The following DACH1 variants were observed in gnomAD, a reference collection of about 807,000 sequenced individuals.
DACH1 encodes the protein dachshund homolog 1.
A neutral mutation model predicts 54.2 loss-of-function variants in DACH1; 12 were observed. The ratio of observed to expected loss-of-function variants is 0.22; its 90% CI spans 0.14 to 0.36. DACH1 has a LOEUF of 0.36. Among genes scored for constraint, DACH1 ranks in the 10% least tolerant of loss-of-function variants. The pLI is 1.00. For missense variants in DACH1, 805 were observed against 929.8 expected, an observed-to-expected ratio of 0.87 and a Z score of 1.75; for synonymous variants, 386 against 366.2, an observed-to-expected ratio of 1.05 and a Z score of -0.62.
chr13:71,439,724 A>G lies in DACH1; in HGVS notation c.*931T>C, dbSNP rs982015011. The G allele has an allele frequency of 6.6e-6, 1 of 152,316 alleles. No individual in the cohort carries two copies. The highest frequency in any genetic ancestry group is 1.5e-5 in the Non-Finnish European group (1 of 67,902). The allele number at this position is 152,316 out of a possible 1,614,324, so 9.4% of individuals were successfully genotyped here. On this transcript the variant is annotated 3_prime_UTR_variant, in exon 11 of 11. Transcript: ENST00000613252. ...TATTTACATGCCTGCATGCGTTAAA[A>G]CCAGAAAGACATCTTTCTGACCAAC... is the stretch of plus-strand genomic sequence containing the variant.
chr13:71,654,912 G>A (rs1428356244), intron 2 of DACH1, among the ~76,000 whole-genome samples: 1 of 152,106 alleles, frequency 6.6e-6, no homozygotes, highest in African/African-American at 2.4e-5. Context: ...AAAAGTTGGA[G>A]GTTTATCTTT....
rs189756098 is a variant in DACH1, at chr13:71,557,945, T to A, written c.1436-787A>T. ...TATGACAACTAATTGTAGTGTGTGA[T>A]CATAGATTGGCTTTTGCAGCTAGAA... is the stretch of plus-strand genomic sequence containing the variant. On this transcript the variant is annotated intron_variant, in intron 5 of 10. Coordinates refer to ENST00000613252, the MANE Select transcript of DACH1 (RefSeq NM_080759.6). 4.6e-5 allele frequency among the ~76,000 whole-genome samples: 7 copies of A among 151,540 alleles called. No homozygotes were observed. The East Asian group carries it at 1.4e-3, about 29-fold the overall frequency.
At chr13:71,648,661 G>T (rs536707878) in intron 2 of DACH1, among the ~76,000 whole-genome samples, 1 of 152,300 alleles carries the variant, frequency 6.6e-6, no homozygotes, top group Non-Finnish European at 1.5e-5. Context: ...GATGGCTTCT[G>T]TTTGTAAGAT....
chr13:71,573,847 T>C (rs991155460), intron 3 of DACH1, among the ~76,000 whole-genome samples: 4 of 152,174 alleles, frequency 2.6e-5, no homozygotes, highest in Admixed American at 2.0e-4. Context: ...CAGCTTAATA[T>C]GAAATGGTCT....
chr13:71,583,109 T>C (rs1473585833), intron 3 of DACH1, among the ~76,000 whole-genome samples: 1 of 152,200 alleles, frequency 6.6e-6, no homozygotes, highest in Admixed American at 6.5e-5. Flanking sequence ...TTAAACATTT[T>C]TATTCTTTTT....
intron 7 of DACH1, among the ~76,000 whole-genome samples, chr13:71,484,290 T>C (rs1464750800): frequency 6.6e-6 from 1 of 152,108 alleles, no homozygotes; most frequent in Non-Finnish European, 1.5e-5. Context: ...TCCTCATGAA[T>C]ATTAATAGCT....
At position 71,866,882 on chromosome 13, in the gene DACH1, A is replaced by C; in HGVS notation, c.-113T>G. Reference sequence around the variant, plus strand: ...AGAAGGAGCGAGGGGGGCAACAACAACTCCGGGAGAGAACGAGAAGGAGAA... The same window carrying C: ...AGAAGGAGCGAGGGGGGCAACAACACCTCCGGGAGAGAACGAGAAGGAGAA... On this transcript the variant is annotated 5_prime_UTR_variant, in exon 1 of 11. Coordinates refer to ENST00000613252, the MANE Select transcript of DACH1 (RefSeq NM_080759.6). 7.9e-6 allele frequency: 6 copies of C among 756,134 alleles called. No individual in the cohort carries two copies. The highest frequency in any genetic ancestry group is 4.3e-5 in the East Asian group (1 of 23,368). The allele number at this position is 756,134 out of a possible 1,614,324, so 46.8% of individuals were successfully genotyped here. A position where few individuals can be genotyped will look rare whatever the true frequency, so the allele number is the denominator to read the frequency against.
intron 1 of DACH1, among the ~76,000 whole-genome samples, chr13:71,750,604 T>A (rs1252927832): frequency 6.6e-6 from 1 of 152,242 alleles, no homozygotes; most frequent in Non-Finnish European, 1.5e-5. Context: ...AATGCTGAAC[T>A]AGGAAATGAA....
At chr13:71,692,870 A>G (rs1194976822) in intron 1 of DACH1, among the ~76,000 whole-genome samples, 1 of 152,112 alleles carries the variant, frequency 6.6e-6, no homozygotes, top group Non-Finnish European at 1.5e-5. Context: ...TTTAAGAAGA[A>G]TTTAAATAGA....
intron 6 of DACH1, 97 bp downstream of exon 6, chr13:71,556,927 T>C: frequency 8.0e-7 from 1 of 1,255,224 alleles, no homozygotes; most frequent in Non-Finnish European, 1.1e-6. Context: ...ATGCTTTTTT[T>C]TTACATGATG....
chr13:71,507,187 C>T (rs1348578757), intron 6 of DACH1, among the ~76,000 whole-genome samples: 1 of 152,140 alleles, frequency 6.6e-6, no homozygotes, highest in African/African-American at 2.4e-5. Flanking sequence ...CCCGATCTAT[C>T]CATGCAGTAG....
intron 3 of DACH1, among the ~76,000 whole-genome samples, chr13:71,620,969 C>CT (rs1402904523): frequency 6.6e-6 from 1 of 151,790 alleles, no homozygotes; most frequent in Non-Finnish European, 1.5e-5. Flanking sequence ...GATAAAAAGA[C>CT]TTAAATATGT....
intron 3 of DACH1, among the ~76,000 whole-genome samples, chr13:71,576,810 G>A (rs1271627790): frequency 6.6e-6 from 1 of 152,064 alleles, no homozygotes; most frequent in Non-Finnish European, 1.5e-5. Context: ...CATTTCTAGA[G>A]TCTAGGTATC....
chr13:71,500,000 TA>T (rs1166356043), intron 6 of DACH1, among the ~76,000 whole-genome samples: 1 of 151,572 alleles, frequency 6.6e-6, no homozygotes, highest in Non-Finnish European at 1.5e-5. Context: ...AGTTAATGAT[TA>T]AAAAAAATTT....
chr13:71,606,292 G>T (rs1874877657), intron 3 of DACH1, among the ~76,000 whole-genome samples: 1 of 151,808 alleles, frequency 6.6e-6, no homozygotes, highest in South Asian at 2.1e-4. Flanking sequence ...TGTTTATTAT[G>T]TTTCTTACAT....
intron 6 of DACH1, among the ~76,000 whole-genome samples, chr13:71,552,842 T>TATAGAGAGAG (rs1883958315): frequency 8.0e-5 from 1 of 12,536 alleles, no homozygotes; most frequent in Non-Finnish European, 1.4e-4. Context: ...TATATATATA[T>TATAGAGAGAG]AGAGAGAGAG....
At chr13:71,580,164 C>T (rs1441987563) in intron 3 of DACH1, among the ~76,000 whole-genome samples, 2 of 152,166 alleles carry the variant, frequency 1.3e-5, no homozygotes. Context: ...TGTTCATACA[C>T]ACTTTGCTAT....
At chr13:71,470,122 T>C (rs2138159623) in intron 10 of DACH1, among the ~76,000 whole-genome samples, 1 of 152,330 alleles carries the variant, frequency 6.6e-6, no homozygotes, top group Admixed American at 6.5e-5. Context: ...AATGAACTTT[T>C]TGTTATTGTG....
intron 1 of DACH1, among the ~76,000 whole-genome samples, chr13:71,714,582 G>A (rs533758161): frequency 1.3e-5 from 2 of 151,744 alleles, no homozygotes; most frequent in East Asian, 1.9e-4. Context: ...ATGGGAGGAC[G>A]AAACAAAAAA....
Sources: allele counts gnomAD v4.1 joint callset (sites outside exome capture counted in the v4.1 genomes callset), GRCh38; gene constraint gnomAD v4.1.1; transcripts MANE v1.5; gene names NCBI Gene and HGNC (gene_info 2026-07-23, HGNC 2026-07-21).